Variants in IFT74 observed in about 807,000 individuals in gnomAD.
IFT74 encodes intraflagellar transport 74, also known as intraflagellar transport protein 74 homolog.
IFT74 carries 92 observed loss-of-function variants against 96.7 expected under a neutral mutation model. The observed-to-expected ratio is 0.95, with a 90% confidence interval of 0.80 to 1.13. IFT74 has a LOEUF of 1.13. Ranked by LOEUF, IFT74 falls within the 50% of genes most tolerant of loss-of-function variation. IFT74 has a pLI of 0.00. For missense variants in IFT74, 811 were observed against 698.2 expected (o/e 1.16, Z -1.82); for synonymous variants, 223 against 213.2 (o/e 1.05, Z -0.40).
chr9:27,020,959 T>C (rs1055304935), intron 12 of IFT74, among the ~76,000 whole-genome samples: 4 of 152,162 alleles, frequency 2.6e-5, no homozygotes, highest in African/African-American at 9.7e-5. Context: ...GAGTCCATTG[T>C]ATCATTCTTA....
At chr9:26,957,418 A>G (rs1826161987) in intron 1 of IFT74, among the ~76,000 whole-genome samples, 2 of 152,222 alleles carry the variant, frequency 1.3e-5, no homozygotes, top group African/African-American at 4.8e-5. Context: ...TCCTTTTCAA[A>G]GAGTCATTTC....
intron 2 of IFT74, among the ~76,000 whole-genome samples, chr9:26,968,454 G>T (rs929650858): frequency 6.6e-6 from 1 of 152,012 alleles, no homozygotes; most frequent in Non-Finnish European, 1.5e-5. Flanking sequence ...TAGAGACTGG[G>T]TTTCACCATG....
chr9:26,996,521 G>C (rs748404886), intron 8 of IFT74: 3 of 1,364,866 alleles, frequency 2.2e-6, no homozygotes, highest in Non-Finnish European at 2.9e-6. Flanking sequence ...GAAAGAATAA[G>C]ATTTAGTATA....
At chr9:26,998,006 C>T (rs147498217) in intron 8 of IFT74, 17 of 1,613,852 alleles carry the variant, frequency 1.1e-5, no homozygotes, top group Non-Finnish European at 1.4e-5. Flanking sequence ...GATGGAGTTT[C>T]TACAGATATT....
At chr9:27,028,032 A>G (rs1829951712) in intron 12 of IFT74, among the ~76,000 whole-genome samples, 1 of 152,174 alleles carries the variant, frequency 6.6e-6, no homozygotes, top group South Asian at 2.1e-4. Flanking sequence ...CACTTTTCCC[A>G]GCACCATTTA....
chr9:27,020,040 A>G (rs1474895751), intron 12 of IFT74, among the ~76,000 whole-genome samples: 3 of 151,534 alleles, frequency 2.0e-5, no homozygotes, highest in East Asian at 3.9e-4. Flanking sequence ...CAGTGGTGCA[A>G]TCTTGGCTCA....
intron 2 of IFT74, among the ~76,000 whole-genome samples, chr9:26,971,825 C>A (rs1826893155): frequency 6.6e-6 from 1 of 152,086 alleles, no homozygotes; most frequent in African/African-American, 2.4e-5. Flanking sequence ...ATGTATGAGC[C>A]ACTCCAAAGG....
chr9:27,059,113 C>G (rs1210543756), intron 18 of IFT74, among the ~76,000 whole-genome samples: 1 of 151,872 alleles, frequency 6.6e-6, no homozygotes, highest in East Asian at 1.9e-4. Flanking sequence ...ACTTGTTTAT[C>G]CCCACATTAA....
At chr9:27,043,725 G>A (rs1684655019) in intron 13 of IFT74, among the ~76,000 whole-genome samples, 1 of 152,144 alleles carries the variant, frequency 6.6e-6, no homozygotes, top group Non-Finnish European at 1.5e-5. Context: ...GCCCAAGCCA[G>A]AAGCCTGGGA....
At chr9:26,995,898 G>T in intron 8 of IFT74, 1 of 1,324,096 alleles carries the variant, frequency 7.6e-7, no homozygotes. Flanking sequence ...TTGTTAAGTT[G>T]GCAAAATAAT....
In IFT74 at chr9:26,978,258, C is replaced by T. The variant is rs370238286; in HGVS notation, c.251C>T (p.Thr84Met). 88 of 1,612,074 alleles carry T rather than the reference C, an allele frequency of 5.5e-5. 1 individual carries two copies. The highest frequency in any genetic ancestry group is 2.6e-4 in the South Asian group (24 of 90,780). Reference protein sequence around the residue: ...QQGLTGMKTGTKGPQRQILDK... With the variant: ...QQGLTGMKTGMKGPQRQILDK... ...GGTTTGACTGGAATGAAAACTGGGA[C>T]GAAAGGTACCTATTTTAAGATAAGT... is the stretch of plus-strand genomic sequence containing the variant. Residue 84 changes from threonine to methionine, a missense_variant, in exon 3 of 20, where the codon ACG (threonine) becomes ATG (methionine). By Grantham distance (81) the Thr-to-Met change is moderately conservative. Coordinates refer to ENST00000380062, the MANE Select transcript of IFT74 (RefSeq NM_025103.4).
intron 12 of IFT74, among the ~76,000 whole-genome samples, chr9:27,021,780 T>A (rs1275006105): frequency 1.3e-5 from 2 of 152,192 alleles, no homozygotes; most frequent in African/African-American, 4.8e-5. Flanking sequence ...ACTCTGTGGG[T>A]TGTCTATTAA....
At chr9:27,020,221 A>G (rs935417332) in intron 12 of IFT74, among the ~76,000 whole-genome samples, 46 of 152,232 alleles carry the variant, frequency 3.0e-4, no homozygotes, top group African/African-American at 7.5e-4. Flanking sequence ...AATGTCTCTC[A>G]TATTCTATTG....
intron 8 of IFT74, among the ~76,000 whole-genome samples, chr9:27,008,407 G>C (rs968107328): frequency 2.6e-5 from 4 of 151,600 alleles, no homozygotes; most frequent in Non-Finnish European, 5.9e-5. Context: ...GCCCAGGCTA[G>C]AGTGAAGTGG....
At chr9:26,954,295 A>G (rs924690842), upstream of IFT74, among the ~76,000 whole-genome samples, 1 of 152,236 alleles carries the variant, frequency 6.6e-6, no homozygotes, top group Admixed American at 6.5e-5. Flanking sequence ...GTGGCCAACT[A>G]GTCATCAGTT....
chr9:26,998,159 C>T (rs750620039), intron 8 of IFT74: 2 of 1,603,528 alleles, frequency 1.2e-6, no homozygotes, highest in Non-Finnish European at 1.7e-6. Flanking sequence ...TTGGTTATAA[C>T]TGAGATCAAG....
chr9:26,988,400 C>T (rs1827725425), intron 6 of IFT74, among the ~76,000 whole-genome samples: 1 of 152,164 alleles, frequency 6.6e-6, no homozygotes, highest in South Asian at 2.1e-4. Context: ...AGGCAAAGCT[C>T]CACAAGATAT....
intron 8 of IFT74, chr9:26,996,438 T>C (rs1563959542): frequency 1.3e-6 from 2 of 1,589,356 alleles, no homozygotes; most frequent in Non-Finnish European, 1.7e-6. Context: ...TATGAGGTAC[T>C]GTTTTGATAT....
chr9:26,992,622 G>A (rs1260206248), intron 8 of IFT74, among the ~76,000 whole-genome samples: 1 of 152,110 alleles, frequency 6.6e-6, no homozygotes, highest in East Asian at 1.9e-4. Flanking sequence ...GAACCCAGGA[G>A]GCGGAGGGTT....
Sources: gnomAD v4.1 joint callset for allele counts (sites outside exome capture counted in the v4.1 genomes callset) on GRCh38, gnomAD v4.1.1 for gene constraint, MANE v1.5 for transcripts, NCBI Gene and HGNC (gene_info 2026-07-23, HGNC 2026-07-21) for gene names.